The following PLCL1 variants were observed in gnomAD, a reference collection of about 807,000 sequenced individuals.
PLCL1 encodes the protein phospholipase C like 1 (inactive), also known as inactive phospholipase C-like protein 1.
In PLCL1, 41 loss-of-function variants were observed where a neutral mutation model predicts 84.4. The ratio of observed to expected loss-of-function variants is 0.49; its 90% confidence interval spans 0.38 to 0.63. The LOEUF (loss-of-function observed/expected upper bound fraction) is 0.63. Ranked by LOEUF, PLCL1 falls within the 30% of genes least tolerant of loss-of-function variation. The pLI, the probability that PLCL1 is intolerant of heterozygous loss-of-function variation, is 0.00. For synonymous variants in PLCL1, 490 were observed against 488.3 expected (o/e 1.00, Z -0.05); for missense variants, 1,206 against 1,367.8 (o/e 0.88, Z 1.87).
At chr2:197,899,793 G>C (rs1688228178) in intron 1 of PLCL1, among the ~76,000 whole-genome samples, 1 of 151,406 alleles carries the variant, frequency 6.6e-6, no homozygotes, top group Non-Finnish European at 1.5e-5. Context: ...CCGCTACCAC[G>C]CCCGGCTAAT....
At chr2:198,098,743 A>G (rs974544115) in intron 3 of PLCL1, among the ~76,000 whole-genome samples, 1 of 152,186 alleles carries the variant, frequency 6.6e-6, no homozygotes, top group Non-Finnish European at 1.5e-5. Flanking sequence ...AAATAATTAC[A>G]TTGACTTTGC....
chr2:198,130,706 G>A (rs1417581460), intron 5 of PLCL1, among the ~76,000 whole-genome samples: 1 of 151,972 alleles, frequency 6.6e-6, no homozygotes, highest in African/African-American at 2.4e-5. Context: ...AATCCTGGGG[G>A]TTATCCTTGA....
chr2:198,023,103 C>A (rs140609298), intron 1 of PLCL1, among the ~76,000 whole-genome samples: 2,202 of 152,282 alleles, frequency 0.014, 19 homozygotes, highest in Non-Finnish European at 0.023. Flanking sequence ...CACACATCTA[C>A]AACCATCTGA....
Position 197,874,314 on chromosome 2 carries a change from GA to G in PLCL1, c.240+68981del, listed in dbSNP as rs1314826978. Among the ~76,000 whole-genome samples, 8 of 151,728 alleles carry G rather than the reference GA, an allele frequency of 5.3e-5. No individual in the cohort carries two copies. The South Asian group carries it at 8.3e-4, about 16-fold the overall frequency. On this transcript the variant is annotated intron_variant, in intron 1 of 5. Coordinates refer to ENST00000428675, the MANE Select transcript of PLCL1 (RefSeq NM_006226.4). Reference sequence around the variant, plus strand: ...GGCTGATGAAATTATCTTCGTTATAGAAAAAAGTAACTTTAAAAATTATAAT... The same window carrying G: ...GGCTGATGAAATTATCTTCGTTATAGAAAAAGTAACTTTAAAAATTATAAT...
intron 1 of PLCL1, among the ~76,000 whole-genome samples, chr2:197,849,812 T>C (rs991799602): frequency 6.6e-6 from 1 of 152,140 alleles, no homozygotes; most frequent in African/African-American, 2.4e-5. Context: ...GAACTGGCCT[T>C]AAATCAATAC....
chr2:197,806,108 T>C (rs1316522638), intron 1 of PLCL1, among the ~76,000 whole-genome samples: 1 of 152,232 alleles, frequency 6.6e-6, no homozygotes, highest in East Asian at 1.9e-4. Context: ...TTTCCTCTTT[T>C]GGGAGCATGA....
At position 197,993,464 on chromosome 2, in the gene PLCL1, A is replaced by T. The variant is rs1439334171; in HGVS notation, c.241-90294A>T. On this transcript the variant is annotated intron_variant, in intron 1 of 5. Transcript: ENST00000428675. ...GGTCAGGGAAGCATACAGATGGCACACTCCAGTGGAGGAACTGAGGAGAGC... is the reference window on the plus strand; with the variant it reads ...GGTCAGGGAAGCATACAGATGGCACTCTCCAGTGGAGGAACTGAGGAGAGC... Among the ~76,000 whole-genome samples the T allele has an allele frequency of 2.6e-5, 4 of 152,066 alleles. No individual in the cohort carries two copies. In the East Asian group the frequency reaches 7.7e-4, roughly 29 times the overall value.
intron 1 of PLCL1, among the ~76,000 whole-genome samples, chr2:197,970,674 T>C (rs1432450304): frequency 6.6e-6 from 1 of 152,236 alleles, no homozygotes; most frequent in Non-Finnish European, 1.5e-5. Context: ...TGGTTTGCAT[T>C]ATCTTTCTGT....
At chr2:197,893,371 A>G (rs1459478251) in intron 1 of PLCL1, among the ~76,000 whole-genome samples, 1 of 152,210 alleles carries the variant, frequency 6.6e-6, no homozygotes, top group Non-Finnish European at 1.5e-5. Context: ...TCAGTGCCAT[A>G]GTATATTTGT....
chr2:198,112,314 A>G (rs1320671527), intron 5 of PLCL1, among the ~76,000 whole-genome samples: 1 of 151,860 alleles, frequency 6.6e-6, no homozygotes, highest in Non-Finnish European at 1.5e-5. Flanking sequence ...AAAGCAAAAC[A>G]ACAACAACAA....
At chr2:197,806,187 A>G (rs1690474756) in intron 1 of PLCL1, among the ~76,000 whole-genome samples, 1 of 152,214 alleles carries the variant, frequency 6.6e-6, no homozygotes, top group Non-Finnish European at 1.5e-5. Flanking sequence ...GTGTAAATGC[A>G]TGTGAGTAAT....
chr2:197,885,292 A>T (rs1687898834), intron 1 of PLCL1, among the ~76,000 whole-genome samples: 1 of 152,228 alleles, frequency 6.6e-6, no homozygotes, highest in Non-Finnish European at 1.5e-5. Flanking sequence ...GACCCAAGAC[A>T]GCTGGTGGTG....
At chr2:198,041,084 C>T (rs1691651176) in intron 1 of PLCL1, among the ~76,000 whole-genome samples, 1 of 152,172 alleles carries the variant, frequency 6.6e-6, no homozygotes, top group South Asian at 2.1e-4. Flanking sequence ...CAGTGTTAGC[C>T]TGAGATCTCT....
intron 1 of PLCL1, among the ~76,000 whole-genome samples, chr2:197,925,517 C>A (rs2105760818): frequency 6.6e-6 from 1 of 152,200 alleles, no homozygotes; most frequent in Admixed American, 6.5e-5. Context: ...GTAATTGGGT[C>A]AAATCATAAA....
intron 1 of PLCL1, among the ~76,000 whole-genome samples, chr2:198,080,673 C>T (rs559328527): frequency 3.3e-5 from 5 of 152,284 alleles, no homozygotes; most frequent in South Asian, 2.1e-4. Flanking sequence ...TTTGAATGTA[C>T]GTAATCTTGG....
In PLCL1 at chr2:197,890,701, T is replaced by TATATATACAC. The variant is rs11270566; in HGVS notation, c.240+85363_240+85364insTATATACACA. ...TTTTTGCTATATATATATATATATATACACACACACATATACGTATATATG... is the reference window on the plus strand; with the variant it reads ...TTTTTGCTATATATATATATATATATATATATACACACACACACACATATACGTATATATG... On this transcript the variant is annotated intron_variant, in intron 1 of 5. Transcript: ENST00000428675. 8.9e-4 allele frequency among the ~76,000 whole-genome samples: 106 copies of TATATATACAC among 118,568 alleles called. 5 individuals are homozygous for TATATATACAC. The highest frequency in any genetic ancestry group is 3.7e-3 in the African/African-American group (96 of 26,224). The allele number at this position is 118,568 out of a possible 152,430, so 77.8% of individuals were successfully genotyped here.
At position 198,084,440 on chromosome 2, in the gene PLCL1, G is replaced by A; in HGVS notation, c.923G>A (p.Cys308Tyr). 1.9e-6 allele frequency: 3 copies of A among 1,614,132 alleles called. No individual in the cohort carries two copies. Among genetic ancestry groups the A allele is most frequent in the Non-Finnish European group, 2.5e-6 (3 of 1,179,970 alleles). ...VTEEEFCEAF[C>Y]ELCTRPEVYF... Reference sequence around the variant, plus strand: ...GAAGAGGAATTTTGTGAAGCTTTTTGTGAACTTTGCACCAGGCCAGAAGTG... The same window carrying A: ...GAAGAGGAATTTTGTGAAGCTTTTTATGAACTTTGCACCAGGCCAGAAGTG... The change falls in exon 2 of 6, where the codon TGT becomes TAT. Residue 308 changes from cysteine (C) to tyrosine (Y), a missense_variant. By Grantham distance (194) the Cys-to-Tyr change is radical. Transcript: ENST00000428675.
chr2:197,979,656 T>A (rs562096222), intron 1 of PLCL1, among the ~76,000 whole-genome samples: 2 of 152,276 alleles, frequency 1.3e-5, no homozygotes, highest in South Asian at 4.1e-4. Context: ...TAGATTCAAA[T>A]CCCAGTTGCC....
At chr2:197,947,245 T>TATATATA (rs1304977480) in intron 1 of PLCL1, among the ~76,000 whole-genome samples, 1 of 148,264 alleles carries the variant, frequency 6.7e-6, no homozygotes, top group Admixed American at 6.8e-5. Context: ...TAAATATATA[T>TATATATA]ATATATATAT....
Sources: gnomAD v4.1 joint callset for allele counts (sites outside exome capture counted in the v4.1 genomes callset) on GRCh38, gnomAD v4.1.1 for gene constraint, MANE v1.5 for transcripts, NCBI Gene and HGNC (gene_info 2026-07-23, HGNC 2026-07-21) for gene names.